Variants in MGAT4D observed in about 807,000 individuals in gnomAD.
MGAT4D encodes the protein alpha-1,3-mannosyl-glycoprotein 4-beta-N-acetylglucosaminyltransferase-like protein MGAT4D.
In MGAT4D, 34 loss-of-function variants were observed where a neutral mutation model predicts 15.9. That is an observed-to-expected ratio of 2.14 (90% CI 1.62 to 2.84). The LOEUF is 2.84. Among genes scored for constraint, MGAT4D ranks in the 30% most tolerant of loss-of-function variants. The pLI, the probability that MGAT4D is intolerant of heterozygous loss-of-function variation, is 0.00. For synonymous variants in MGAT4D, 112 were observed against 48.2 expected, an observed-to-expected ratio of 2.33 and a Z score of -5.49; for missense variants, 327 against 140.2, an observed-to-expected ratio of 2.33 and a Z score of -6.73.
At chr4:140,468,650 G>A (rs1312097587) in intron 5 of MGAT4D, among the ~76,000 whole-genome samples, 1 of 152,074 alleles carries the variant, frequency 6.6e-6, no homozygotes, top group Admixed American at 6.5e-5. Flanking sequence ...GATTTTTTAA[G>A]GGTTCAAGTA....
chr4:140,451,346 T>A, intron 10 of MGAT4D, 64 bp downstream of exon 10: 1 of 482,640 alleles, frequency 2.1e-6, no homozygotes, highest in East Asian at 3.2e-5. Flanking sequence ...ACTTCTTTTC[T>A]AAATAGTATT....
chr4:140,479,073 T>C (rs989797121), intron 3 of MGAT4D, among the ~76,000 whole-genome samples: 2 of 152,278 alleles, frequency 1.3e-5, no homozygotes, highest in African/African-American at 4.8e-5. Flanking sequence ...CTTGGTGAAC[T>C]TGAACTCATT....
At chr4:140,493,137 G>A (rs533169992) in intron 1 of MGAT4D, among the ~76,000 whole-genome samples, 33 of 152,032 alleles carry the variant, frequency 2.2e-4, no homozygotes, top group East Asian at 1.7e-3. Flanking sequence ...GGTAAGTTCC[G>A]CAACATAATG....
chr4:140,468,914 T>G (rs1456286028), intron 5 of MGAT4D, among the ~76,000 whole-genome samples: 1 of 152,088 alleles, frequency 6.6e-6, no homozygotes, highest in African/African-American at 2.4e-5. Flanking sequence ...AAATTAATTT[T>G]TCTACTCTTT....
chr4:140,472,006 A>C (rs1480427002), intron 4 of MGAT4D, among the ~76,000 whole-genome samples, 185 bp from the exon 5 acceptor site: 3 of 152,112 alleles, frequency 2.0e-5, no homozygotes, highest in African/African-American at 7.2e-5. Context: ...TTTGACTTGA[A>C]TACAGGAAAT....
chr4:140,447,099 G>A (rs1038148000), intron 10 of MGAT4D, among the ~76,000 whole-genome samples: 2 of 151,776 alleles, frequency 1.3e-5, no homozygotes, highest in Non-Finnish European at 2.9e-5. Flanking sequence ...GTTTTGTTTT[G>A]CATTTGCTGA....
At chr4:140,479,885 G>A (rs1732583831) in intron 2 of MGAT4D, among the ~76,000 whole-genome samples, 1 of 152,066 alleles carries the variant, frequency 6.6e-6, no homozygotes, top group African/African-American at 2.4e-5. Context: ...GGAACTGTCA[G>A]TTCCAAATGA....
intron 10 of MGAT4D, among the ~76,000 whole-genome samples, chr4:140,448,044 C>T (rs750200902): frequency 2.0e-4 from 31 of 152,232 alleles, no homozygotes; most frequent in Non-Finnish European, 1.5e-5. Flanking sequence ...CCAATCTCTT[C>T]TGGCTTGCAG....
intron 5 of MGAT4D, among the ~76,000 whole-genome samples, chr4:140,465,738 T>C (rs1731491507): frequency 6.6e-6 from 1 of 152,182 alleles, no homozygotes; most frequent in Admixed American, 6.5e-5. Flanking sequence ...TTGTACTACA[T>C]AAAAAATTTA....
At chr4:140,485,861 C>T (rs1733093239) in intron 1 of MGAT4D, among the ~76,000 whole-genome samples, 1 of 73,032 alleles carries the variant, frequency 1.4e-5, no homozygotes, top group African/African-American at 4.3e-5. Flanking sequence ...AATGATGATA[C>T]ATTTGGGTTG....
intron 1 of MGAT4D, among the ~76,000 whole-genome samples, chr4:140,484,972 C>A (rs1330096197): frequency 6.6e-6 from 1 of 152,184 alleles, no homozygotes; most frequent in African/African-American, 2.4e-5. Flanking sequence ...ACTAGTTCAA[C>A]CATTGTGGAA....
chr4:140,490,873 T>C (rs1733459483), intron 1 of MGAT4D, among the ~76,000 whole-genome samples: 1 of 152,266 alleles, frequency 6.6e-6, no homozygotes, highest in Non-Finnish European at 1.5e-5. Flanking sequence ...TTTTGTCATA[T>C]ATCCAATCAG....
chr4:140,465,767 T>C (rs995956839), intron 5 of MGAT4D, among the ~76,000 whole-genome samples: 5 of 152,228 alleles, frequency 3.3e-5, no homozygotes, highest in African/African-American at 4.8e-5. Flanking sequence ...CAGTTTTATA[T>C]GCATAATCTC....
At chr4:140,489,876 T>C (rs755121186) in intron 1 of MGAT4D, among the ~76,000 whole-genome samples, 5 of 152,224 alleles carry the variant, frequency 3.3e-5, no homozygotes, top group Non-Finnish European at 7.3e-5. Context: ...ATTTAAAATA[T>C]TTAACAACAT....
At chr4:140,468,763 T>G (rs1731716716) in intron 5 of MGAT4D, among the ~76,000 whole-genome samples, 1 of 152,202 alleles carries the variant, frequency 6.6e-6, no homozygotes, top group Non-Finnish European at 1.5e-5. Flanking sequence ...ATAAATCACC[T>G]ATTTCAAGCC....
intron 1 of MGAT4D, among the ~76,000 whole-genome samples, chr4:140,495,142 G>A (rs947849963): frequency 7.2e-5 from 11 of 152,050 alleles, no homozygotes; most frequent in African/African-American, 1.7e-4. Context: ...GCTGTTTCTC[G>A]AACAAATCAA....
At chr4:140,447,582 C>T (rs1424131748) in intron 10 of MGAT4D, among the ~76,000 whole-genome samples, 9 of 152,038 alleles carry the variant, frequency 5.9e-5, no homozygotes, top group African/African-American at 1.4e-4. Flanking sequence ...TTATTTTGAG[C>T]TTATAAGAGT....
At chr4:140,452,061 C>T (rs1264305011) in intron 9 of MGAT4D, among the ~76,000 whole-genome samples, 1 of 150,162 alleles carries the variant, frequency 6.7e-6, no homozygotes, top group African/African-American at 2.4e-5. Flanking sequence ...CATTTGAAGG[C>T]CAGGCACAGT....
intron 5 of MGAT4D, among the ~76,000 whole-genome samples, chr4:140,466,750 C>T (rs1421744582): frequency 6.6e-6 from 1 of 152,068 alleles, no homozygotes; most frequent in African/African-American, 2.4e-5. Context: ...CTTGCACAAT[C>T]ATTTCTATGG....
Sources: allele counts gnomAD v4.1 joint callset (sites outside exome capture counted in the v4.1 genomes callset), GRCh38; gene constraint gnomAD v4.1.1; transcripts MANE v1.5; gene names NCBI Gene and HGNC (gene_info 2026-07-23, HGNC 2026-07-21).